The following FNDC3B variants were observed in gnomAD, a reference collection of about 807,000 sequenced individuals.
FNDC3B encodes the protein fibronectin type III domain-containing protein 3B.
Under a neutral mutation model 151.5 loss-of-function variants are expected in FNDC3B, and 12 were observed. The observed-to-expected ratio is 0.08, with a 90% CI of 0.05 to 0.13. The LOEUF (loss-of-function observed/expected upper bound fraction) is 0.13, where lower values mean the gene tolerates loss of function less well. FNDC3B is among the 10% of genes least tolerant of loss of function. The probability of loss-of-function intolerance (pLI) is 1.00; values close to 1 mark genes in which losing one functional copy is unlikely to be tolerated. For synonymous variants in FNDC3B, 528 were observed against 549.0 expected, an observed-to-expected ratio of 0.96 and a Z score of 0.54; for missense variants, 1,214 against 1,505.3, an observed-to-expected ratio of 0.81 and a Z score of 3.20.
At chr3:172,303,022 AT>A (rs1318126674) in intron 9 of FNDC3B, 9 of 152,086 alleles carry the variant, frequency 5.9e-5, no homozygotes, top group African/African-American at 1.9e-4. Flanking sequence ...ACTTATATAT[AT>A]ATAAATATGT....
rs60894339 is a variant in FNDC3B, at chr3:172,189,799, TAAAAAAAAAAAAAA to T, written c.188-37052_188-37039del. Among the ~76,000 whole-genome samples the T allele has an allele frequency of 3.8e-4, 32 of 84,314 alleles. 2 individuals are homozygous for T. The Middle Eastern group carries it at 0.019, about 51-fold the overall frequency. The allele number at this position is 84,314 out of a possible 152,430, so 55.3% of individuals were successfully genotyped here. ...CTGGGTGACAGAGTGAGACCTTGTC[TAAAAAAAAAAAAAA>T]AAAAAAAAAAAAAAAAAAATCATGT... On this transcript the variant is annotated intron_variant, in intron 3 of 25. Coordinates refer to ENST00000415807, the MANE Select transcript of FNDC3B (RefSeq NM_022763.4).
chr3:172,117,189 C>T (rs1352853743), intron 2 of FNDC3B, among the ~76,000 whole-genome samples: 1 of 152,220 alleles, frequency 6.6e-6, no homozygotes, highest in Non-Finnish European at 1.5e-5. Flanking sequence ...TCTCCCACCT[C>T]TGAATAACTA....
chr3:172,262,270 G>A (rs1728685280), intron 6 of FNDC3B, among the ~76,000 whole-genome samples: 3 of 152,192 alleles, frequency 2.0e-5, no homozygotes, highest in African/African-American at 7.2e-5. Flanking sequence ...GGTGGAGACG[G>A]GGAAAGCCTT....
chr3:172,319,158 G>C (rs187714137), intron 11 of FNDC3B, among the ~76,000 whole-genome samples: 4 of 152,314 alleles, frequency 2.6e-5, no homozygotes, highest in Admixed American at 6.5e-5. Context: ...CCTGACACCT[G>C]ATTTATCAAC....
chr3:172,195,808 T>G (rs771129529), intron 3 of FNDC3B, among the ~76,000 whole-genome samples: 1 of 152,188 alleles, frequency 6.6e-6, no homozygotes, highest in Non-Finnish European at 1.5e-5. Flanking sequence ...GCTTTGGAAT[T>G]CCAGTCAGAG....
At chr3:172,159,006 G>A (rs1722639938) in intron 3 of FNDC3B, among the ~76,000 whole-genome samples, 1 of 152,208 alleles carries the variant, frequency 6.6e-6, no homozygotes, top group Admixed American at 6.5e-5. Flanking sequence ...CTGGGGCCGG[G>A]CATGGTGGCT....
intron 1 of FNDC3B, among the ~76,000 whole-genome samples, chr3:172,111,947 CTTTGCCATATAT>C (rs1308130840): frequency 6.6e-6 from 1 of 152,154 alleles, no homozygotes; most frequent in Non-Finnish European, 1.5e-5. Context: ...CTTTGTCCAT[CTTTGCCATATAT>C]TTTGGGCATA....
chr3:172,352,652 C>A lies in FNDC3B; in HGVS notation c.2515-151C>A. The A allele has an allele frequency of 2.5e-6, 2 of 804,054 alleles. No homozygotes were observed. The highest frequency in any genetic ancestry group is 3.8e-6 in the Non-Finnish European group (2 of 529,782). 49.8% of individuals were successfully genotyped at this position (804,054 alleles called of 1,614,324 possible). On this transcript the variant is annotated intron_variant, in intron 21 of 25. Transcript: ENST00000415807. This position sits in a 1 kb window ranked among gnomAD's most constrained non-coding sequence, Gnocchi z 4.2. ...TGGTTAGCATTCTTTGGAAGGTGGT[C>A]ATCAGATAGTAGACATTTTCTAGGA...
chr3:172,205,920 T>G (rs773561375), intron 3 of FNDC3B, among the ~76,000 whole-genome samples: 2 of 152,200 alleles, frequency 1.3e-5, no homozygotes, highest in Non-Finnish European at 2.9e-5. Flanking sequence ...CAGAACTTAA[T>G]TGAGAGCTTG....
chr3:172,392,806 T>TTTTTC (rs796448606), intron 25 of FNDC3B, among the ~76,000 whole-genome samples: 4 of 66,204 alleles, frequency 6.0e-5, no homozygotes, highest in African/African-American at 1.4e-4. Context: ...TTCTTTTTTT[T>TTTTTC]TTTCTTTTTT....
At chr3:172,310,924 A>G in intron 11 of FNDC3B, 43 bp downstream of exon 11, 1 of 1,363,956 alleles carries the variant, frequency 7.3e-7, no homozygotes, top group Non-Finnish European at 1.1e-6. Flanking sequence ...CACCATTTCA[A>G]AAACAAAATT....
chr3:172,295,515 G>A lies in FNDC3B; in HGVS notation c.1001+1G>A, dbSNP rs1471911337. On this transcript the variant is annotated splice_donor_variant, in intron 8 of 25. Coordinates refer to ENST00000415807, the MANE Select transcript of FNDC3B (RefSeq NM_022763.4). LOFTEE classifies it high-confidence loss of function. ...ATGGAAAATACAAGATAATTTACAG[G>A]TTGTGTATGTTTCTATTGTTTTTCT... 6.2e-7 allele frequency: 1 copy of A among 1,611,518 alleles called. No homozygotes were observed. Among genetic ancestry groups the A allele is most frequent in the Admixed American group, 1.7e-5 (1 of 59,522 alleles).
intron 1 of FNDC3B, among the ~76,000 whole-genome samples, chr3:172,061,741 T>C (rs1386994121): frequency 6.6e-6 from 1 of 152,232 alleles, no homozygotes; most frequent in South Asian, 2.1e-4. Flanking sequence ...CAGTGAGACA[T>C]GGCCAGATTG....
rs534238054 is a variant in FNDC3B, at chr3:172,392,028, G to A, written c.3304-5136G>A. Reference sequence around the variant, plus strand: ...GTTTTCCTGAGACCTCCCACATGTTGGGAAATAACTTACAGTGAGGCAGTT... The same window carrying A: ...GTTTTCCTGAGACCTCCCACATGTTAGGAAATAACTTACAGTGAGGCAGTT... On this transcript the variant is annotated intron_variant, in intron 25 of 25. Transcript: ENST00000415807. 3.8e-4 allele frequency among the ~76,000 whole-genome samples: 58 copies of A among 152,144 alleles called. 1 individual carries two copies. The highest frequency in any genetic ancestry group is 1.0e-4 in the Non-Finnish European group (7 of 68,036).
At chr3:172,228,269 G>GTCAGTTAACAGTTAACAGTCACA (rs1263545380) in intron 4 of FNDC3B, among the ~76,000 whole-genome samples, 1 of 152,182 alleles carries the variant, frequency 6.6e-6, no homozygotes, top group Non-Finnish European at 1.5e-5. Flanking sequence ...CACATCAGCC[G>GTCAGTTAACAGTTAACAGTCACA]TCAGTTAACA....
At chr3:172,355,737 G>T (rs1734065471) in intron 22 of FNDC3B, among the ~76,000 whole-genome samples, 1 of 152,160 alleles carries the variant, frequency 6.6e-6, no homozygotes, top group African/African-American at 2.4e-5. Flanking sequence ...AATGTCAGCT[G>T]TCTCTTATTT....
chr3:172,180,388 TCTC>T (rs1723829862), intron 3 of FNDC3B, among the ~76,000 whole-genome samples: 1 of 152,142 alleles, frequency 6.6e-6, no homozygotes, highest in South Asian at 2.1e-4. Flanking sequence ...CATGAATGAT[TCTC>T]CTCTAAGTAT....
chr3:172,372,424 CAG>C (rs1430141267), intron 23 of FNDC3B, among the ~76,000 whole-genome samples: 1 of 152,188 alleles, frequency 6.6e-6, no homozygotes, highest in Non-Finnish European at 1.5e-5. Flanking sequence ...TAAAATGACT[CAG>C]TGACTTTATT....
chr3:172,127,519 A>G (rs1206701533), intron 2 of FNDC3B, among the ~76,000 whole-genome samples: 1 of 151,722 alleles, frequency 6.6e-6, no homozygotes, highest in Non-Finnish European at 1.5e-5. Context: ...GGCAGATGAC[A>G]GGGATTCAAT....
Sources: gnomAD v4.1 joint callset for allele counts (sites outside exome capture counted in the v4.1 genomes callset) on GRCh38, gnomAD v4.1.1 for gene constraint, Gnocchi (gnomAD v3.1) non-coding constraint, MANE v1.5 for transcripts, NCBI Gene and HGNC (gene_info 2026-07-23, HGNC 2026-07-21) for gene names.